The following NEMF variants were observed in gnomAD, a reference collection of about 807,000 sequenced individuals.
The protein encoded by NEMF is nuclear export mediator factor, also known as ribosome quality control complex subunit NEMF.
A neutral mutation model predicts 162.2 loss-of-function variants in NEMF; 89 were observed. The ratio of observed to expected loss-of-function variants is 0.55; its 90% CI spans 0.46 to 0.65. NEMF has a LOEUF of 0.65. NEMF is among the 30% of genes least tolerant of loss of function. NEMF has a pLI of 0.00. For synonymous variants in NEMF, 421 were observed against 404.5 expected (o/e 1.04, Z -0.49); for missense variants, 1,133 against 1,261.9 (o/e 0.90, Z 1.55).
At chr14:49,790,714 G>A (rs1023029694) in intron 26 of NEMF, among the ~76,000 whole-genome samples, 1 of 152,162 alleles carries the variant, frequency 6.6e-6, no homozygotes, top group Non-Finnish European at 1.5e-5. Context: ...TGAGGGTCTG[G>A]CACGGTGGCT....
At chr14:49,810,971 A>G (rs1891450030) in intron 18 of NEMF, among the ~76,000 whole-genome samples, 1 of 152,230 alleles carries the variant, frequency 6.6e-6, no homozygotes, top group Non-Finnish European at 1.5e-5. Flanking sequence ...CCTGGGTGAC[A>G]GGAGACCCTG....
intron 16 of NEMF, among the ~76,000 whole-genome samples, chr14:49,825,181 C>A (rs1003986165): frequency 2.2e-4 from 33 of 152,108 alleles, no homozygotes; most frequent in Non-Finnish European, 5.9e-5. Context: ...TATATGACTA[C>A]AATTTAAATA....
rs1566658080 is a variant in NEMF, at chr14:49,799,227, A to AAAAAAAAGG, written c.2465+247_2465+248insCCTTTTTTT. Among the ~76,000 whole-genome samples the AAAAAAAAGG allele has an allele frequency of 5.3e-5, 8 of 149,930 alleles. No homozygotes were observed. The East Asian group carries it at 1.2e-3, about 22-fold the overall frequency. On this transcript the variant is annotated intron_variant, in intron 25 of 32. Coordinates refer to ENST00000298310, the MANE Select transcript of NEMF (RefSeq NM_004713.6). ...TGTTTCAAAAAAAAAAAAAAAAAAAAAAAAAAGGAAAATGTTAAGTGAGGA... is the reference window on the plus strand; with the variant it reads ...TGTTTCAAAAAAAAAAAAAAAAAAAAAAAAAAAGGAAAAAAGGAAAATGTTAAGTGAGGA...
At chr14:49,807,340 C>G (rs1168047570) in intron 18 of NEMF, among the ~76,000 whole-genome samples, 1 of 152,174 alleles carries the variant, frequency 6.6e-6, no homozygotes, top group Non-Finnish European at 1.5e-5. Context: ...ATGCTGCTAT[C>G]AATATCTGCA....
chr14:49,789,240 C>T lies in NEMF; in HGVS notation c.2801G>A (p.Arg934Lys). 6.2e-7 allele frequency: 1 copy of T among 1,614,132 alleles called. No homozygotes were observed. ...KQPQKPRGGQ[R>K]VSDNIKKETP... Reference sequence around the variant, plus strand: ...TTCTTTCTTAATGTTGTCAGAGACCCTCTGTCCACCTCTAGGTTTCTGGGG... The same window carrying T: ...TTCTTTCTTAATGTTGTCAGAGACCTTCTGTCCACCTCTAGGTTTCTGGGG... Residue 934 changes from arginine to lysine, a missense_variant, in exon 28 of 33, where the codon AGG becomes AAG. This residue lies in a region of NEMF where 532 missense variants were observed against 578.6 expected (regional missense o/e 0.92). Coordinates refer to ENST00000298310, the MANE Select transcript of NEMF (RefSeq NM_004713.6).
At chr14:49,828,248 C>A (rs759603786) in intron 15 of NEMF, 43 bp downstream of exon 15, 2 of 1,256,414 alleles carry the variant, frequency 1.6e-6, no homozygotes, top group Admixed American at 3.4e-5. Flanking sequence ...TTAAATTACG[C>A]AGGCACAAAC....
chr14:49,789,102 T>C (rs1594721952), intron 28 of NEMF, 44 bp downstream of exon 28: 1 of 1,517,366 alleles, frequency 6.6e-7, no homozygotes, highest in East Asian at 2.3e-5. Flanking sequence ...CCAGGATGGG[T>C]AATCACCCTA....
At chr14:49,852,665 A>C (rs752490076) in intron 1 of NEMF, 30 bp downstream of exon 1, 9 of 1,613,176 alleles carry the variant, frequency 5.6e-6, no homozygotes, top group Non-Finnish European at 6.8e-6. Context: ...TGCACTCCCC[A>C]CACGAGCCTC....
intron 16 of NEMF, among the ~76,000 whole-genome samples, chr14:49,817,906 C>T (rs1342618789): frequency 6.6e-6 from 1 of 152,082 alleles, no homozygotes; most frequent in Non-Finnish European, 1.5e-5. Flanking sequence ...GAACACTTTC[C>T]AACTTGTTTT....
chr14:49,817,254 C>A (rs1405380259), intron 16 of NEMF, among the ~76,000 whole-genome samples: 1 of 152,044 alleles, frequency 6.6e-6, no homozygotes, highest in East Asian at 1.9e-4. Context: ...ACCAGCCTGG[C>A]CAACATGATG....
intron 16 of NEMF, among the ~76,000 whole-genome samples, chr14:49,822,370 AG>A (rs1222430387): frequency 6.6e-6 from 1 of 151,560 alleles, no homozygotes; most frequent in Non-Finnish European, 1.5e-5. Flanking sequence ...AAAGTACAAA[AG>A]TTAGCCGGGC....
At chr14:49,807,592 ATTTTTTT>A (rs371689750) in intron 18 of NEMF, among the ~76,000 whole-genome samples, 2 of 125,364 alleles carry the variant, frequency 1.6e-5, no homozygotes, top group African/African-American at 3.0e-5. Flanking sequence ...GTATCTTGTG[ATTTTTTT>A]TTTTTTTTTT....
chr14:49,847,849 T>C (rs1479393049), intron 3 of NEMF, among the ~76,000 whole-genome samples: 2 of 151,620 alleles, frequency 1.3e-5, no homozygotes, highest in Admixed American at 1.3e-4. Flanking sequence ...CTGGCCAATA[T>C]GGTGAAACCC....
At chr14:49,841,720 T>C (rs1008826873) in intron 4 of NEMF, among the ~76,000 whole-genome samples, 1 of 152,146 alleles carries the variant, frequency 6.6e-6, no homozygotes, top group Non-Finnish European at 1.5e-5. Context: ...TAGTTAATTA[T>C]ACCATTTGCC....
intron 28 of NEMF, 149 bp from the exon 29 acceptor site, chr14:49,786,899 T>G: frequency 1.5e-6 from 1 of 651,258 alleles, no homozygotes; most frequent in South Asian, 1.9e-5. Context: ...ATATTCTTCC[T>G]AAGACTCTGA....
chr14:49,832,130 TA>T lies in NEMF; in HGVS notation c.807-5del. On this transcript the variant is annotated splice_region_variant and splice_polypyrimidine_tract_variant and intron_variant, in intron 9 of 32. Transcript: ENST00000298310. ...GAAAGGATGAAATTCCTCATACCTG[TA>T]AAACATATTTATTATATCACATTCG... The T allele has an allele frequency of 6.2e-7, 1 of 1,602,466 alleles. No homozygotes were observed. Among genetic ancestry groups the T allele is most frequent in the Non-Finnish European group, 8.5e-7 (1 of 1,173,942 alleles).
At chr14:49,852,439 G>T (rs980079607) in intron 1 of NEMF, among the ~76,000 whole-genome samples, 3 of 152,242 alleles carry the variant, frequency 2.0e-5, no homozygotes, top group Non-Finnish European at 4.4e-5. Context: ...GGCCAACAAT[G>T]CAAGAGCTTC....
intron 5 of NEMF, 128 bp from the exon 6 acceptor site, chr14:49,838,334 T>A: frequency 1.4e-6 from 1 of 704,382 alleles, no homozygotes; most frequent in South Asian, 2.1e-5. Context: ...TAACAGGAAT[T>A]CATTCTTCTG....
chr14:49,794,607 A>G (rs1247870402), intron 26 of NEMF, among the ~76,000 whole-genome samples: 1 of 150,712 alleles, frequency 6.6e-6, no homozygotes, highest in Non-Finnish European at 1.5e-5. Flanking sequence ...CAACAGAGCA[A>G]GACCCTGTCT....
Sources: allele counts gnomAD v4.1 joint callset (sites outside exome capture counted in the v4.1 genomes callset), GRCh38; gene constraint gnomAD v4.1.1; regional missense constraint gnomAD v4.1.1; transcripts MANE v1.5; gene names NCBI Gene and HGNC (gene_info 2026-07-23, HGNC 2026-07-21).